Variants in NCAM2 observed in about 807,000 individuals in gnomAD.
NCAM2 encodes N-CAM-2.
NCAM2 carries 30 observed loss-of-function variants against 98.1 expected under a neutral mutation model. The observed-to-expected ratio is 0.31, with a 90% CI of 0.23 to 0.41. The LOEUF is 0.41. Among genes scored for constraint, NCAM2 ranks in the 10% least tolerant of loss-of-function variants. The probability of loss-of-function intolerance (pLI) is 1.00; values close to 1 mark genes in which losing one functional copy is unlikely to be tolerated. For synonymous variants in NCAM2, 368 were observed against 342.4 expected, an observed-to-expected ratio of 1.07 and a Z score of -0.83; for missense variants, 867 against 1,005.8, an observed-to-expected ratio of 0.86 and a Z score of 1.87.
chr21:21,119,341 A>G (rs1336516130), intron 1 of NCAM2, among the ~76,000 whole-genome samples: 1 of 152,174 alleles, frequency 6.6e-6, no homozygotes, highest in Non-Finnish European at 1.5e-5. Flanking sequence ...ATGAGCTCAG[A>G]TTTCTGGTGG....
chr21:21,346,788 A>C (rs1298922988), intron 8 of NCAM2, among the ~76,000 whole-genome samples: 1 of 152,068 alleles, frequency 6.6e-6, no homozygotes, highest in African/African-American at 2.4e-5. Context: ...TGTGTCAATG[A>C]AGAAATTCAG....
At chr21:21,453,733 T>A (rs1410875239) in intron 12 of NCAM2, among the ~76,000 whole-genome samples, 1 of 152,120 alleles carries the variant, frequency 6.6e-6, no homozygotes, top group Non-Finnish European at 1.5e-5. Context: ...GATATACATT[T>A]TCCTTCTTTT....
At chr21:21,095,549 G>GTTT (rs1272409713) in intron 1 of NCAM2, among the ~76,000 whole-genome samples, 1 of 151,284 alleles carries the variant, frequency 6.6e-6, no homozygotes, top group African/African-American at 2.4e-5. Flanking sequence ...TGTCCAAAAA[G>GTTT]TAAGTATGGA....
chr21:21,484,185 A>G (rs2146287368), intron 15 of NCAM2, among the ~76,000 whole-genome samples: 1 of 152,304 alleles, frequency 6.6e-6, no homozygotes, highest in Non-Finnish European at 1.5e-5. Context: ...CAGAATAAAC[A>G]TCAATATTGA....
intron 6 of NCAM2, among the ~76,000 whole-genome samples, chr21:21,334,230 A>T (rs1447797153): frequency 1.3e-5 from 2 of 151,942 alleles, no homozygotes; most frequent in Admixed American, 6.6e-5. Flanking sequence ...ACCACACCCG[A>T]CCCATTTGTT....
chr21:21,178,845 T>A (rs1332602009), intron 1 of NCAM2, among the ~76,000 whole-genome samples: 22 of 152,076 alleles, frequency 1.4e-4, no homozygotes, highest in Admixed American at 1.4e-3. Context: ...TCTCTTATGC[T>A]TGAGCTTCAG....
intron 1 of NCAM2, among the ~76,000 whole-genome samples, chr21:21,040,968 G>A (rs536080357): frequency 6.6e-6 from 1 of 152,108 alleles, no homozygotes; most frequent in Non-Finnish European, 1.5e-5. Flanking sequence ...TGAGGGGGTG[G>A]ATATGCAAAT....
intron 8 of NCAM2, among the ~76,000 whole-genome samples, chr21:21,371,229 G>C (rs577625832): frequency 6.6e-6 from 1 of 151,832 alleles, no homozygotes; most frequent in Non-Finnish European, 1.5e-5. Context: ...TGGTGGATTT[G>C]ATACATTAAA....
chr21:21,419,774 G>A (rs371169204), intron 11 of NCAM2, among the ~76,000 whole-genome samples: 3 of 152,030 alleles, frequency 2.0e-5, no homozygotes, highest in African/African-American at 7.3e-5. Context: ...TGGACACTTG[G>A]GTTGGTTCCA....
At chr21:21,115,972 TG>T (rs2066546561) in intron 1 of NCAM2, among the ~76,000 whole-genome samples, 1 of 137,924 alleles carries the variant, frequency 7.3e-6, no homozygotes, top group Non-Finnish European at 1.5e-5. Context: ...TGTGTGTGTG[TG>T]TGTGTGTGTG....
chr21:21,125,631 TATA>T (rs1239303290), intron 1 of NCAM2, among the ~76,000 whole-genome samples: 2 of 136,028 alleles, frequency 1.5e-5, no homozygotes, highest in East Asian at 2.0e-4. Flanking sequence ...ATATATAATA[TATA>T]ATATTTTACG....
At chr21:21,096,881 A>G (rs892555760) in intron 1 of NCAM2, among the ~76,000 whole-genome samples, 2 of 151,492 alleles carry the variant, frequency 1.3e-5, no homozygotes, top group African/African-American at 2.4e-5. Context: ...TTACAACCGG[A>G]TTTCTCATTT....
intron 10 of NCAM2, among the ~76,000 whole-genome samples, chr21:21,417,423 G>C (rs2077016878): frequency 6.6e-6 from 1 of 151,938 alleles, no homozygotes; most frequent in Non-Finnish European, 1.5e-5. Flanking sequence ...CAGCTTTTCT[G>C]TACTCTTTCA....
chr21:21,323,247 C>A (rs1264706617), intron 5 of NCAM2, among the ~76,000 whole-genome samples: 1 of 152,096 alleles, frequency 6.6e-6, no homozygotes, highest in Non-Finnish European at 1.5e-5. Context: ...AAAGTTCTAT[C>A]TTTTGTAATA....
At chr21:21,527,183 C>G (rs1989373048) in intron 16 of NCAM2, among the ~76,000 whole-genome samples, 1 of 151,044 alleles carries the variant, frequency 6.6e-6, no homozygotes, top group Admixed American at 6.6e-5. Context: ...CTGATCTCAG[C>G]TCACTGCAAC....
intron 15 of NCAM2, among the ~76,000 whole-genome samples, chr21:21,502,216 C>T (rs529593677): frequency 6.6e-6 from 1 of 151,966 alleles, no homozygotes; most frequent in South Asian, 2.1e-4. Context: ...GTATGTTTTA[C>T]AATGGATAAT....
At chr21:21,214,761 CAT>C (rs2069819787) in intron 1 of NCAM2, among the ~76,000 whole-genome samples, 1 of 76,468 alleles carries the variant, frequency 1.3e-5, no homozygotes. Context: ...TATATATACA[CAT>C]ATATGTAATA....
chr21:21,444,422 T>C (rs987482756), intron 12 of NCAM2, among the ~76,000 whole-genome samples: 6 of 152,198 alleles, frequency 3.9e-5, no homozygotes, highest in African/African-American at 1.4e-4. Context: ...AGCTCCTCTT[T>C]GTAACTCTGG....
intron 1 of NCAM2, among the ~76,000 whole-genome samples, chr21:21,174,343 A>ATG (rs1219588629): frequency 1.3e-5 from 2 of 152,190 alleles, no homozygotes; most frequent in Non-Finnish European, 2.9e-5. Context: ...AATTTCCGAT[A>ATG]TGTGATGAAT....
Sources: allele counts gnomAD v4.1 joint callset (sites outside exome capture counted in the v4.1 genomes callset), GRCh38; gene constraint gnomAD v4.1.1; transcripts MANE v1.5; gene names NCBI Gene and HGNC (gene_info 2026-07-23, HGNC 2026-07-21).